The following DAB1 variants were observed in gnomAD, a reference collection of about 807,000 sequenced individuals.
DAB1 encodes the protein DAB adaptor protein 1.
Under a neutral mutation model 64.6 loss-of-function variants are expected in DAB1, and 15 were observed. The ratio of observed to expected loss-of-function variants is 0.23; its 90% CI spans 0.16 to 0.36. The LOEUF is 0.36. Among genes scored for constraint, DAB1 ranks in the 10% least tolerant of loss-of-function variants. DAB1 has a pLI of 1.00. For missense variants in DAB1, 596 were observed against 706.7 expected (o/e 0.84, Z 1.78); for synonymous variants, 235 against 251.9 (o/e 0.93, Z 0.64).
At chr1:57,742,620 GC>G (rs1648057747) in intron 6 of DAB1, among the ~76,000 whole-genome samples, 1 of 152,152 alleles carries the variant, frequency 6.6e-6, no homozygotes, top group Admixed American at 6.5e-5. Flanking sequence ...CTCTCCACAG[GC>G]CTGTTGCTCC....
intron 1 of DAB1, among the ~76,000 whole-genome samples, chr1:57,311,756 C>G (rs1032394839): frequency 6.6e-6 from 1 of 152,180 alleles, no homozygotes; most frequent in Admixed American, 6.5e-5. Flanking sequence ...TCAGTGGACA[C>G]CTTAACTCAA....
At chr1:57,829,966 G>A (rs755143679) in intron 1 of DAB1, among the ~76,000 whole-genome samples, 17 of 152,196 alleles carry the variant, frequency 1.1e-4, no homozygotes, top group Non-Finnish European at 2.4e-4. Context: ...GAAGACTAGC[G>A]TACAGAGAGA....
intron 5 of DAB1, among the ~76,000 whole-genome samples, chr1:57,923,921 G>A (rs1469023198): frequency 1.3e-5 from 2 of 152,152 alleles, no homozygotes; most frequent in Non-Finnish European, 2.9e-5. Flanking sequence ...CAATCCAAGC[G>A]AAGTGAGAAG....
chr1:57,970,279 T>C (rs1325370625), intron 5 of DAB1, among the ~76,000 whole-genome samples: 1 of 152,048 alleles, frequency 6.6e-6, no homozygotes, highest in Non-Finnish European at 1.5e-5. Context: ...GAAAAATGGA[T>C]CTCACCTAGA....
intron 2 of DAB1, chr1:58,527,157 T>C: frequency 1.3e-6 from 1 of 742,338 alleles, no homozygotes. Flanking sequence ...GCTAATACAG[T>C]CCAACTCTCA....
intron 7 of DAB1, among the ~76,000 whole-genome samples, chr1:57,478,586 CTTTT>C (rs35538831): frequency 1.2e-5 from 1 of 81,226 alleles, no homozygotes; most frequent in South Asian, 4.7e-4. Flanking sequence ...TATTCCCATT[CTTTT>C]TTTTTTTTTT....
At chr1:57,112,327 CA>C in intron 4 of DAB1, among the ~76,000 whole-genome samples, 1 of 152,284 alleles carries the variant, frequency 6.6e-6, no homozygotes, top group African/African-American at 2.4e-5. Flanking sequence ...CTTCCTGAGT[CA>C]GTGCATGCAG....
At chr1:57,549,848 T>A (rs1396079185) in intron 7 of DAB1, among the ~76,000 whole-genome samples, 1 of 152,140 alleles carries the variant, frequency 6.6e-6, no homozygotes, top group Admixed American at 6.5e-5. Context: ...AAATGAGATT[T>A]TTGAGGGATG....
At chr1:57,969,954 T>C (rs1311200580) in intron 5 of DAB1, among the ~76,000 whole-genome samples, 2 of 152,178 alleles carry the variant, frequency 1.3e-5, no homozygotes, top group Non-Finnish European at 2.9e-5. Context: ...AGTAAGTGAT[T>C]AGGTCTTAGA....
intron 7 of DAB1, among the ~76,000 whole-genome samples, chr1:57,469,471 C>G (rs1199190496): frequency 6.6e-6 from 1 of 152,144 alleles, no homozygotes; most frequent in Non-Finnish European, 1.5e-5. Flanking sequence ...ATCACTGCAT[C>G]TCTGACAGAA....
intron 4 of DAB1, among the ~76,000 whole-genome samples, chr1:58,310,215 C>T (rs1441019701): frequency 6.6e-6 from 1 of 152,122 alleles, no homozygotes; most frequent in African/African-American, 2.4e-5. Flanking sequence ...TGAGGAAAGA[C>T]CTATGCCATC....
chr1:57,200,092 G>C (rs934746339), intron 2 of DAB1, among the ~76,000 whole-genome samples: 2 of 152,132 alleles, frequency 1.3e-5, no homozygotes, highest in African/African-American at 4.8e-5. Flanking sequence ...AATGAATTTA[G>C]GCAGGGAACT....
rs762774818 is a variant in DAB1 at position 57,015,378 on chromosome 1, C to T, written c.949G>A (p.Val317Ile). 27 of 1,613,868 alleles carry T rather than the reference C, an allele frequency of 1.7e-5. No individual in the cohort carries two copies. The African/African-American group carries it at 1.9e-4, about 11-fold the overall frequency. ...LPSFWGQQPL[V>I]QQQMVMGAQP... is the part of the protein sequence containing the mutation. ...GCACCCATGACCATCTGCTGTTGGACGAGGGGCTGCTGACCCCAGAAGGAC... is the reference window on the plus strand; with the variant it reads ...GCACCCATGACCATCTGCTGTTGGATGAGGGGCTGCTGACCCCAGAAGGAC... The change falls in exon 12 of 15, where the codon GTC becomes ATC. Residue 317 changes from valine to isoleucine, a missense_variant. Coordinates refer to ENST00000371236, the MANE Select transcript of DAB1 (RefSeq NM_001365792.1).
chr1:57,252,353 A>G (rs2100524044), intron 2 of DAB1, among the ~76,000 whole-genome samples: 1 of 152,338 alleles, frequency 6.6e-6, no homozygotes, highest in East Asian at 1.9e-4. Flanking sequence ...AGAAGTCTAG[A>G]TGAGGTCAGG....
At position 57,193,546 on chromosome 1, in the gene DAB1, C is replaced by G. The variant is rs1459187865; in HGVS notation, c.68-48117G>C. ...GGACTGCAGGCGCCCGCCACTATGC[C>G]CAGCTAATTTTTTGTACTTTTAGTA... On this transcript the variant is annotated intron_variant, in intron 2 of 14. Transcript: ENST00000371236. Among the ~76,000 whole-genome samples, 5 of 151,984 alleles carry G rather than the reference C, an allele frequency of 3.3e-5. No homozygotes were observed. In the East Asian group the frequency reaches 9.7e-4, roughly 30 times the overall value.
At chr1:58,037,822 T>C (rs1647068870) in intron 5 of DAB1, among the ~76,000 whole-genome samples, 1 of 152,164 alleles carries the variant, frequency 6.6e-6, no homozygotes, top group South Asian at 2.1e-4. Context: ...CAGTTTTTCC[T>C]GGGAAAGCTT....
At chr1:57,066,501 T>G (rs1650927266) in intron 8 of DAB1, among the ~76,000 whole-genome samples, 1 of 152,168 alleles carries the variant, frequency 6.6e-6, no homozygotes, top group Non-Finnish European at 1.5e-5. Context: ...AACAAGACTA[T>G]TAGAAAAACC....
chr1:57,713,096 C>A (rs1368919013), intron 6 of DAB1, among the ~76,000 whole-genome samples: 1 of 152,188 alleles, frequency 6.6e-6, no homozygotes, highest in Non-Finnish European at 1.5e-5. Context: ...CACTGGTACA[C>A]TCATCTGCAT....
chr1:57,017,737 G>A (rs1332169132), intron 11 of DAB1, among the ~76,000 whole-genome samples: 5 of 152,350 alleles, frequency 3.3e-5, no homozygotes, highest in South Asian at 2.1e-4. Context: ...TGAAACAAGA[G>A]GGGTGAAGAG....
Sources: allele counts gnomAD v4.1 joint callset (sites outside exome capture counted in the v4.1 genomes callset), GRCh38; gene constraint gnomAD v4.1.1; transcripts MANE v1.5; gene names NCBI Gene and HGNC (gene_info 2026-07-23, HGNC 2026-07-21).